OSBPL5: variants seen among roughly 807,000 people sequenced by gnomAD.
OSBPL5 encodes oxysterol-binding protein-related protein 5.
In OSBPL5, 71 loss-of-function variants were observed where a neutral mutation model predicts 111.2. The ratio of observed to expected loss-of-function variants is 0.64; its 90% CI spans 0.53 to 0.78. The LOEUF is 0.78. OSBPL5 is among the 30% of genes least tolerant of loss of function. The probability of loss-of-function intolerance (pLI) is 0.00; values close to 1 mark genes in which losing one functional copy is unlikely to be tolerated. For missense variants in OSBPL5, 1,210 were observed against 1,189.3 expected (o/e 1.02, Z -0.26); for synonymous variants, 549 against 513.9 (o/e 1.07, Z -0.93).
intron 19 of OSBPL5, among the ~76,000 whole-genome samples, chr11:3,090,925 G>C (rs1238645953): frequency 6.6e-6 from 1 of 152,234 alleles, no homozygotes; most frequent in African/African-American, 2.4e-5. Flanking sequence ...CAGAGCTACT[G>C]ACCCCTCACA....
At chr11:3,103,819 C>CGCAGCCCCCTTCCTGCCTCT (rs1319688055) in intron 10 of OSBPL5, among the ~76,000 whole-genome samples, 3 of 44,010 alleles carry the variant, frequency 6.8e-5, no homozygotes, top group Non-Finnish European at 2.0e-4. Flanking sequence ...TTCCTGCCTG[C>CGCAGCCCCCTTCCTGCCTCT]GCAGCCCCCT....
Position 3,104,892 on chromosome 11 carries a change from G to A in OSBPL5, c.1060-515C>T, listed in dbSNP as rs1857641393. ...ATACAGAAGCCTTCAGATATTGAAT[G>A]TGGACAACTGGGTGAGTTTGGAGGT... On this transcript the variant is annotated intron_variant, in intron 9 of 21. Transcript: ENST00000263650. This position sits in a 1 kb window ranked among gnomAD's most constrained non-coding sequence, Gnocchi z 5.0. 6.6e-6 allele frequency among the ~76,000 whole-genome samples: 1 copy of A among 152,202 alleles called. No individual in the cohort carries two copies. The highest frequency in any genetic ancestry group is 2.1e-4 in the South Asian group (1 of 4,826).
At chr11:3,102,342 A>T in intron 11 of OSBPL5, 61 bp from the exon 12 acceptor site, 1 of 1,498,848 alleles carries the variant, frequency 6.7e-7, no homozygotes, top group Non-Finnish European at 9.1e-7. Context: ...TGTGCAGAGC[A>T]GGTGAGGGAT....
intron 1 of OSBPL5, among the ~76,000 whole-genome samples, chr11:3,164,961 G>A (rs544900941): frequency 7.0e-6 from 1 of 143,622 alleles, no homozygotes; most frequent in South Asian, 2.4e-4. Flanking sequence ...GCCAGGCGCC[G>A]ACCCGTCCTG....
Position 3,121,178 on chromosome 11 carries a change from C to A in OSBPL5, c.403-554G>T, listed in dbSNP as rs1051426790. Among the ~76,000 whole-genome samples, 1 of 151,780 alleles carries A rather than the reference C, an allele frequency of 6.6e-6. No homozygotes were observed. Among genetic ancestry groups the A allele is most frequent in the Non-Finnish European group, 1.5e-5 (1 of 67,958 alleles). On this transcript the variant is annotated intron_variant, in intron 5 of 21. Coordinates refer to ENST00000263650, the MANE Select transcript of OSBPL5 (RefSeq NM_020896.4). The surrounding 1 kb of genome is among the most constrained non-coding windows in gnomAD (Gnocchi z 4.3). ...GTTCAAGCGATTCTCCTGCCTCAGC[C>A]GCCCGAGTAGCTGGGATTACAGGCG...
intron 3 of OSBPL5, among the ~76,000 whole-genome samples, chr11:3,124,856 C>A (rs1858555995): frequency 7.0e-6 from 1 of 143,662 alleles, no homozygotes; most frequent in Non-Finnish European, 1.5e-5. Flanking sequence ...GAACCTGCTG[C>A]CAATTCCCCT....
At chr11:3,099,844 G>T (rs1473880937) in intron 14 of OSBPL5, among the ~76,000 whole-genome samples, 1 of 151,994 alleles carries the variant, frequency 6.6e-6, no homozygotes, top group East Asian at 1.9e-4. Flanking sequence ...CGAGGCGGGC[G>T]GATCACCTGA....
chr11:3,093,451 T>G, intron 17 of OSBPL5, 76 bp downstream of exon 17: 3 of 1,572,274 alleles, frequency 1.9e-6, no homozygotes, highest in Non-Finnish European at 2.6e-6. Flanking sequence ...CTCACAGCAC[T>G]GTAGCCCTGC....
At chr11:3,093,109 G>C in intron 17 of OSBPL5, 57 bp from the exon 18 acceptor site, 1 of 1,440,518 alleles carries the variant, frequency 6.9e-7, no homozygotes. Context: ...CCCCTAGGCA[G>C]CTAGGAATCA....
In OSBPL5 at chr11:3,142,719, G is replaced by T. The variant is rs964567943; in HGVS notation, c.-21-13550C>A. ...GACCTGTCCCTCTGTCTCCGTGTCC[G>T]CGGGGCCCGGCAGGAAGTCGTGTGC... On this transcript the variant is annotated intron_variant, in intron 1 of 21. Transcript: ENST00000263650. This position sits in a 1 kb window ranked among gnomAD's most constrained non-coding sequence, Gnocchi z 7.1. Among the ~76,000 whole-genome samples the T allele has an allele frequency of 4.6e-5, 7 of 152,088 alleles. No individual in the cohort carries two copies. Among genetic ancestry groups the T allele is most frequent in the Admixed American group, 4.6e-4 (7 of 15,278 alleles).
chr11:3,116,952 T>G (rs1858233837), intron 7 of OSBPL5, among the ~76,000 whole-genome samples: 1 of 152,164 alleles, frequency 6.6e-6, no homozygotes, highest in Admixed American at 6.5e-5. Context: ...CAAGAAAACT[T>G]TAAGCTATTT....
chr11:3,152,490 G>A (rs1846621904), intron 1 of OSBPL5, among the ~76,000 whole-genome samples: 1 of 152,156 alleles, frequency 6.6e-6, no homozygotes, highest in Non-Finnish European at 1.5e-5. Flanking sequence ...AGGCTCCTGT[G>A]TTCCCTTCTC....
chr11:3,090,479 T>C lies in OSBPL5; in HGVS notation c.2398+79A>G. 4.5e-6 allele frequency: 7 copies of C among 1,548,604 alleles called. No individual in the cohort carries two copies. The South Asian group carries it at 7.1e-5, about 16-fold the overall frequency. Reference sequence around the variant, plus strand: ...CCCTACATCTGGGCAGGTGCTTCTCTGGCCTCCCCTCCAGCCAGGTCAGCA... The same window carrying C: ...CCCTACATCTGGGCAGGTGCTTCTCCGGCCTCCCCTCCAGCCAGGTCAGCA... On this transcript the variant is annotated intron_variant, in intron 20 of 21. Transcript: ENST00000263650.
Position 3,107,787 on chromosome 11 carries a change from C to G in OSBPL5, c.850G>C (p.Asp284His). The G allele has an allele frequency of 6.2e-7, 1 of 1,612,502 alleles. No individual in the cohort carries two copies. The highest frequency in any genetic ancestry group is 2.2e-5 in the East Asian group (1 of 44,872). Residue 284 changes from aspartate to histidine, a missense_variant, in exon 8 of 22, where the codon GAC becomes CAC. Coordinates refer to ENST00000263650, the MANE Select transcript of OSBPL5 (RefSeq NM_020896.4). This position sits in a 1 kb window ranked among gnomAD's most constrained non-coding sequence, Gnocchi z 6.1. ...CCCACTCACGGGAACAGGTCTTGGTCTGGGTGGACGGTGGCTGAGGCTGGC... is the reference window on the plus strand; with the variant it reads ...CCCACTCACGGGAACAGGTCTTGGTGTGGGTGGACGGTGGCTGAGGCTGGC... ...GLPASATVHP[D>H]QDLFPLNGSS... is the part of the protein sequence containing the mutation.
rs145691673 is a variant in OSBPL5, at chr11:3,154,494, T to C, written c.-22+10722A>G. Among the ~76,000 whole-genome samples the C allele has an allele frequency of 0.015, 2,344 of 152,296 alleles. 72 individuals carry two copies. The highest frequency in any genetic ancestry group is 0.054 in the African/African-American group (2,235 of 41,540). On this transcript the variant is annotated intron_variant, in intron 1 of 21. Transcript: ENST00000263650. The surrounding 1 kb of genome is among the most constrained non-coding windows in gnomAD (Gnocchi z 4.9). ...CCAGGTTCCAGCTGAGCCAGGCCTCTTGGGAAGGCGTAAAACAGTCAAGAT... is the reference window on the plus strand; with the variant it reads ...CCAGGTTCCAGCTGAGCCAGGCCTCCTGGGAAGGCGTAAAACAGTCAAGAT...
At chr11:3,115,098 G>GT (rs931921057) in intron 7 of OSBPL5, among the ~76,000 whole-genome samples, 3 of 151,874 alleles carry the variant, frequency 2.0e-5, no homozygotes, top group African/African-American at 7.3e-5. Context: ...CTCAGGTTCT[G>GT]TTTTTTTGTG....
At chr11:3,120,696 C>A (rs566793525) in intron 5 of OSBPL5, 72 bp from the exon 6 acceptor site, 1 of 1,544,568 alleles carries the variant, frequency 6.5e-7, no homozygotes, top group Admixed American at 1.8e-5. Context: ...GATGGCTTGG[C>A]GGGGAGCCAG....
At chr11:3,088,853 G>A (rs973056877) in intron 21 of OSBPL5, among the ~76,000 whole-genome samples, 2 of 152,140 alleles carry the variant, frequency 1.3e-5, no homozygotes, top group African/African-American at 2.4e-5. Flanking sequence ...GAGAGGTCTC[G>A]GGATAAACCA....
chr11:3,125,826 C>G (rs1168011434), intron 3 of OSBPL5, among the ~76,000 whole-genome samples: 1 of 65,682 alleles, frequency 1.5e-5, no homozygotes, highest in Non-Finnish European at 3.0e-5. Context: ...AAAAAAAATA[C>G]AAAAAATTGG....
Sources: allele counts gnomAD v4.1 joint callset (sites outside exome capture counted in the v4.1 genomes callset), GRCh38; gene constraint gnomAD v4.1.1; non-coding constraint Gnocchi (gnomAD v3.1); transcripts MANE v1.5; gene names NCBI Gene and HGNC (gene_info 2026-07-23, HGNC 2026-07-21).